ADARB2: variants seen among roughly 807,000 people sequenced by gnomAD.
ADARB2 encodes the protein adenosine deaminase RNA specific B2 (inactive).
Under a neutral mutation model 62.2 loss-of-function variants are expected in ADARB2, and 25 were observed. That is an observed-to-expected ratio of 0.40 (90% confidence interval 0.29 to 0.56). The LOEUF (loss-of-function observed/expected upper bound fraction) is 0.56. Ranked by LOEUF, ADARB2 falls within the 20% of genes least tolerant of loss-of-function variation. The pLI is 0.43. For missense variants in ADARB2, 1,071 were observed against 1,077.4 expected (o/e 0.99, Z 0.08); for synonymous variants, 572 against 500.8 (o/e 1.14, Z -1.90).
At chr10:1,200,431 T>G (rs1008295466) in intron 7 of ADARB2, 4 of 475,430 alleles carry the variant, frequency 8.4e-6, no homozygotes, top group Non-Finnish European at 1.5e-5. Flanking sequence ...TCTGTGGGAC[T>G]TAGAATTAGA....
intron 1 of ADARB2, among the ~76,000 whole-genome samples, chr10:1,593,597 G>C (rs1468631273): frequency 6.6e-6 from 1 of 152,238 alleles, no homozygotes; most frequent in Admixed American, 6.5e-5. Context: ...GTAGTAATAA[G>C]TGCGGGCTTA....
intron 1 of ADARB2, among the ~76,000 whole-genome samples, chr10:1,564,808 C>G (rs1832835944): frequency 6.8e-6 from 1 of 146,080 alleles, no homozygotes; most frequent in African/African-American, 2.5e-5. Context: ...TAATTTCTGC[C>G]TTTAAAACAA....
intron 7 of ADARB2, among the ~76,000 whole-genome samples, chr10:1,207,065 GGCC>G (rs1837077821): frequency 2.6e-5 from 4 of 152,208 alleles, no homozygotes; most frequent in Non-Finnish European, 5.9e-5. Flanking sequence ...TGTCACTTAA[GGCC>G]GGGCGCGGTG....
At chr10:1,696,040 A>C (rs943254368) in intron 1 of ADARB2, among the ~76,000 whole-genome samples, 14 of 152,146 alleles carry the variant, frequency 9.2e-5, no homozygotes, top group African/African-American at 3.1e-4. Context: ...GTGTGCATGC[A>C]CATATACATG....
At chr10:1,606,992 G>T (rs888519763) in intron 1 of ADARB2, among the ~76,000 whole-genome samples, 2 of 152,164 alleles carry the variant, frequency 1.3e-5, no homozygotes, top group African/African-American at 4.8e-5. Flanking sequence ...TACTTAAACT[G>T]CCAAAAGGAG....
intron 1 of ADARB2, among the ~76,000 whole-genome samples, chr10:1,444,012 C>CCCATCCATCCATCCACCCATCCAT (rs1564290430): frequency 4.6e-5 from 7 of 150,544 alleles, no homozygotes; most frequent in African/African-American, 1.7e-4. Flanking sequence ...TGTCCATCCA[C>CCCATCCATCCATCCACCCATCCAT]CCATCCATCC....
At position 1,704,026 on chromosome 10, in the gene ADARB2, G is replaced by C. The variant is rs1033964581; in HGVS notation, c.100+33025C>G. ...TTAGCTATCTATTGCTTTGTGACAA[G>C]TTACCTCAAGAGTTAGTATCTTAAA... On this transcript the variant is annotated intron_variant, in intron 1 of 9. Transcript: ENST00000381312. The surrounding 1 kb of genome is among the most constrained non-coding windows in gnomAD (Gnocchi z 5.6). 6.6e-6 allele frequency among the ~76,000 whole-genome samples: 1 copy of C among 152,156 alleles called. No homozygotes were observed. The highest frequency in any genetic ancestry group is 1.9e-4 in the East Asian group (1 of 5,174).
intron 6 of ADARB2, among the ~76,000 whole-genome samples, chr10:1,227,370 C>T (rs998113505): frequency 1.3e-5 from 2 of 152,224 alleles, no homozygotes; most frequent in African/African-American, 4.8e-5. Flanking sequence ...GAGGCGATGC[C>T]TCGCCCTGTT....
intron 1 of ADARB2, among the ~76,000 whole-genome samples, chr10:1,722,596 G>A (rs1835106361): frequency 6.6e-6 from 1 of 152,160 alleles, no homozygotes; most frequent in Non-Finnish European, 1.5e-5. Context: ...AATGAATAAT[G>A]TGCTGTATTT....
At chr10:1,723,909 T>C (rs1307617146) in intron 1 of ADARB2, among the ~76,000 whole-genome samples, 1 of 152,190 alleles carries the variant, frequency 6.6e-6, no homozygotes, top group Admixed American at 6.5e-5. Context: ...GATTTATGAA[T>C]TTTCTGGCCC....
chr10:1,401,142 G>A (rs538725542), intron 1 of ADARB2, among the ~76,000 whole-genome samples: 4 of 152,198 alleles, frequency 2.6e-5, no homozygotes, highest in South Asian at 4.1e-4. Context: ...CACAAACACC[G>A]TCAGGCCCAG....
At chr10:1,397,837 CATCA>C (rs2131869954) in intron 1 of ADARB2, among the ~76,000 whole-genome samples, 1 of 100,398 alleles carries the variant, frequency 1.0e-5, no homozygotes. Context: ...CCTGGGTCAC[CATCA>C]GCCTCTCCCC....
chr10:1,202,258 G>GT lies in ADARB2; in HGVS notation c.1683-2112dup, dbSNP rs1185476846. Among the ~76,000 whole-genome samples, 109 of 151,806 alleles carry GT rather than the reference G, an allele frequency of 7.2e-4. 1 individual carries two copies. The highest frequency in any genetic ancestry group is 2.3e-3 in the Admixed American group (35 of 15,232). ...GCACCTGGTCTTTGTGTGTGTGTGT[G>GT]TTTTTTTTAGACAGGGTCTCACTCT... is the stretch of plus-strand genomic sequence containing the variant. On this transcript the variant is annotated intron_variant, in intron 7 of 9. Coordinates refer to ENST00000381312, the MANE Select transcript of ADARB2 (RefSeq NM_018702.4).
Position 1,426,277 on chromosome 10 carries a change from G to A in ADARB2, c.101-47117C>T, listed in dbSNP as rs112670165. Among the ~76,000 whole-genome samples, 5,402 of 152,276 alleles carry A rather than the reference G, an allele frequency of 0.035. 158 individuals carry two copies. Among genetic ancestry groups the A allele is most frequent in the Admixed American group, 0.054 (823 of 15,296 alleles). On this transcript the variant is annotated intron_variant, in intron 1 of 9. Transcript: ENST00000381312. The surrounding 1 kb of genome is among the most constrained non-coding windows in gnomAD (Gnocchi z 4.1). ...TGCCAGCCTCATTAGGTCGGCCTGC[G>A]TGGTCCTCTGAAATGTACAGTTCTG...
At chr10:1,205,696 G>A (rs569079762) in intron 7 of ADARB2, among the ~76,000 whole-genome samples, 19 of 152,414 alleles carry the variant, frequency 1.2e-4, no homozygotes, top group African/African-American at 4.1e-4. Flanking sequence ...CTCACCAGAC[G>A]CGGAAACTGC....
intron 3 of ADARB2, among the ~76,000 whole-genome samples, chr10:1,300,591 A>G (rs1317371727): frequency 1.3e-5 from 2 of 152,232 alleles, no homozygotes; most frequent in East Asian, 1.9e-4. Context: ...TTTACTGAAG[A>G]CCTGTTCAAA....
At chr10:1,300,994 T>G (rs1831567377) in intron 3 of ADARB2, among the ~76,000 whole-genome samples, 1 of 152,214 alleles carries the variant, frequency 6.6e-6, no homozygotes, top group Admixed American at 6.5e-5. Context: ...TGGTGTCCAC[T>G]CTATTGCCGG....
intron 1 of ADARB2, among the ~76,000 whole-genome samples, chr10:1,631,547 G>C (rs1023506143): frequency 2.0e-5 from 3 of 152,206 alleles, no homozygotes; most frequent in African/African-American, 7.2e-5. Context: ...TTGATGCCTG[G>C]GAAGGACTTC....
At chr10:1,503,605 T>G (rs143499904) in intron 1 of ADARB2, among the ~76,000 whole-genome samples, 2 of 152,318 alleles carry the variant, frequency 1.3e-5, no homozygotes, top group East Asian at 3.9e-4. Flanking sequence ...GATATGGTTC[T>G]GATCTGTGTC....
Sources: allele counts gnomAD v4.1 joint callset (sites outside exome capture counted in the v4.1 genomes callset), GRCh38; gene constraint gnomAD v4.1.1; non-coding constraint Gnocchi (gnomAD v3.1); transcripts MANE v1.5; gene names NCBI Gene and HGNC (gene_info 2026-07-23, HGNC 2026-07-21).